The following RPGRIP1L variants were observed in gnomAD, a reference collection of about 807,000 sequenced individuals.
RPGRIP1L encodes RPGRIP1 like.
In RPGRIP1L, 131 loss-of-function variants were observed where a neutral mutation model predicts 160.4. The observed-to-expected ratio is 0.82, with a 90% CI of 0.71 to 0.94. The LOEUF is 0.94. RPGRIP1L is among the 40% of genes least tolerant of loss of function. The probability of loss-of-function intolerance (pLI) is 0.00; values close to 1 mark genes in which losing one functional copy is unlikely to be tolerated. For synonymous variants in RPGRIP1L, 510 were observed against 515.8 expected (o/e 0.99, Z 0.15); for missense variants, 1,522 against 1,535.8 (o/e 0.99, Z 0.15).
intron 13 of RPGRIP1L, 47 bp from the exon 14 acceptor site, chr16:53,656,636 T>C: frequency 7.8e-7 from 1 of 1,285,066 alleles, no homozygotes; most frequent in Non-Finnish European, 1.1e-6. Context: ...ATTAGTTCTA[T>C]TTTCATTATT....
intron 7 of RPGRIP1L, 74 bp downstream of exon 7, chr16:53,674,943 A>G: frequency 9.8e-7 from 1 of 1,020,658 alleles, no homozygotes; most frequent in East Asian, 2.5e-5. Context: ...TCCATGTTAA[A>G]AAAACAACTT....
intron 4 of RPGRIP1L, among the ~76,000 whole-genome samples, chr16:53,691,672 T>G (rs1970391354): frequency 1.3e-5 from 2 of 152,226 alleles, no homozygotes; most frequent in Non-Finnish European, 1.5e-5. Context: ...TCAACACTTT[T>G]GCAAATTTCG....
intron 6 of RPGRIP1L, among the ~76,000 whole-genome samples, chr16:53,676,733 A>G (rs1019659575): frequency 2.0e-5 from 3 of 152,160 alleles, no homozygotes; most frequent in African/African-American, 7.2e-5. Flanking sequence ...CCTGGTTTCA[A>G]GCGATTCTCC....
At chr16:53,642,114 A>G (rs142580591) in intron 17 of RPGRIP1L, among the ~76,000 whole-genome samples, 106 of 152,236 alleles carry the variant, frequency 7.0e-4, no homozygotes, top group Admixed American at 1.2e-3. Context: ...TTGAGTCTCA[A>G]ATTTTAACAG....
chr16:53,699,386 T>TTA (rs1555618272), intron 2 of RPGRIP1L, among the ~76,000 whole-genome samples: 277 of 77,452 alleles, frequency 3.6e-3, no homozygotes, highest in African/African-American at 0.013. Flanking sequence ...GAATGATCAA[T>TTA]AAAAAAAAAA....
chr16:53,609,204 T>A (rs1345055353), intron 25 of RPGRIP1L, among the ~76,000 whole-genome samples: 1 of 152,170 alleles, frequency 6.6e-6, no homozygotes, highest in Admixed American at 6.5e-5. Context: ...TCCTTCCTCC[T>A]CAACCTTCAT....
At chr16:53,698,281 C>T (rs1435423320) in intron 2 of RPGRIP1L, among the ~76,000 whole-genome samples, 1 of 143,244 alleles carries the variant, frequency 7.0e-6, no homozygotes, top group Admixed American at 6.8e-5. Flanking sequence ...GGGGGGTCAG[C>T]CCCCGCCAGG....
Position 53,641,284 on chromosome 16 carries a change from C to T in RPGRIP1L, c.2874+1G>A. On this transcript the variant is annotated splice_donor_variant, in intron 18 of 26. Coordinates refer to ENST00000647211, the MANE Select transcript of RPGRIP1L (RefSeq NM_015272.5). LOFTEE classifies it high-confidence loss of function. The stretch of plus-strand genomic sequence containing the variant: ...AAAAATTAAAAGTCACTGATACTCA[C>T]TAAAACTAGTGTGCTAACAGAGGAT... 1.2e-6 allele frequency: 2 copies of T among 1,613,718 alleles called. No individual in the cohort carries two copies. The highest frequency in any genetic ancestry group is 1.1e-5 in the South Asian group (1 of 91,024).
At chr16:53,607,269 G>A (rs762595218) in intron 25 of RPGRIP1L, among the ~76,000 whole-genome samples, 5 of 152,174 alleles carry the variant, frequency 3.3e-5, no homozygotes, top group Admixed American at 6.5e-5. Flanking sequence ...AGTAAGCACT[G>A]AGTAAATGTT....
At chr16:53,695,086 G>A (rs573848273) in intron 3 of RPGRIP1L, 1 of 461,718 alleles carries the variant, frequency 2.2e-6, no homozygotes, top group South Asian at 4.7e-5. Flanking sequence ...TTATTCAGTT[G>A]TTTTTTATTT....
At chr16:53,653,098 A>T in intron 14 of RPGRIP1L, 111 bp from the exon 15 acceptor site, 2 of 959,858 alleles carry the variant, frequency 2.1e-6, no homozygotes, top group Non-Finnish European at 3.2e-6. Flanking sequence ...CTCTATTTTA[A>T]ATTCTATGAC....
intron 12 of RPGRIP1L, 24 bp from the exon 13 acceptor site, chr16:53,657,656 G>A: frequency 7.2e-7 from 1 of 1,380,214 alleles, no homozygotes; most frequent in Non-Finnish European, 1.0e-6. Context: ...CATGTTTTAT[G>A]ACTGAAACAA....
chr16:53,645,477 T>C, intron 17 of RPGRIP1L, 148 bp downstream of exon 17: 1 of 607,300 alleles, frequency 1.6e-6, no homozygotes, highest in Non-Finnish European at 2.6e-6. Flanking sequence ...AGTAAGAAAA[T>C]AATTTTTAAA....
chr16:53,695,647 T>C (rs2151376864), intron 3 of RPGRIP1L: 1 of 560,296 alleles, frequency 1.8e-6, no homozygotes. Context: ...ATACTGTTTC[T>C]TCAGAAACAG....
At chr16:53,689,786 C>T (rs1404401543) in intron 4 of RPGRIP1L, among the ~76,000 whole-genome samples, 2 of 152,136 alleles carry the variant, frequency 1.3e-5, no homozygotes, top group South Asian at 2.1e-4. Flanking sequence ...CTCATAAAGA[C>T]GGATTAAGAA....
intron 2 of RPGRIP1L, among the ~76,000 whole-genome samples, chr16:53,698,570 C>T (rs1181788598): frequency 4.8e-5 from 7 of 145,444 alleles, no homozygotes; most frequent in South Asian, 2.2e-4. Context: ...CCCGGCCAGC[C>T]GCCTCGTCCA....
rs141808948 is a variant in RPGRIP1L, at chr16:53,619,129, C to T, written c.3512G>A (p.Arg1171Gln). The change falls in exon 24 of 27, where the codon CGG (arginine) becomes CAG (glutamine). Residue 1171 changes from arginine to glutamine, a missense_variant. Physicochemically the swap from Arg to Gln is conservative, Grantham distance 43 (BLOSUM62 1). Transcript: ENST00000647211. Reference protein sequence around the residue: ...SQVTMDDTIQRLFVECRFYSL... With the variant: ...SQVTMDDTIQQLFVECRFYSL... ...GTAGAATCGACACTCAACAAACAGC[C>T]GTTGGATAGTGTCATCCATGGTTAC... is the stretch of plus-strand genomic sequence containing the variant. 65 of 1,613,942 alleles carry T rather than the reference C, an allele frequency of 4.0e-5. No homozygotes were observed. The East Asian group carries it at 9.1e-4, about 23-fold the overall frequency.
rs201263182 is a variant in RPGRIP1L, at chr16:53,675,118, T to C, written c.781A>G (p.Asn261Asp). Residue 261 changes from asparagine (N) to aspartate (D), a missense_variant, in exon 7 of 27, where the codon AAT (asparagine) becomes GAT (aspartate). By Grantham distance (23) the Asn-to-Asp change is conservative. Coordinates refer to ENST00000647211, the MANE Select transcript of RPGRIP1L (RefSeq NM_015272.5). The part of the protein sequence containing the change: ...REQQATDQRS[N>D]IRDNVEMIKL... ...ATCATTTCTACATTGTCCCGAATAT[T>C]TGACCTTCAGAGTTGTGTTTAAGAA... The C allele has an allele frequency of 6.2e-7, 1 of 1,605,214 alleles. No homozygotes were observed. Among genetic ancestry groups the C allele is most frequent in the East Asian group, 2.2e-5 (1 of 44,658 alleles).
At chr16:53,696,118 C>A (rs1970737847) in intron 3 of RPGRIP1L, 33 bp downstream of exon 3, 1 of 1,608,640 alleles carries the variant, frequency 6.2e-7, no homozygotes, top group South Asian at 1.1e-5. Context: ...TTTACTGAGT[C>A]AAGAAAAAAA....
Sources: gnomAD v4.1 joint callset for allele counts (sites outside exome capture counted in the v4.1 genomes callset) on GRCh38, gnomAD v4.1.1 for gene constraint, MANE v1.5 for transcripts, NCBI Gene and HGNC (gene_info 2026-07-23, HGNC 2026-07-21) for gene names.